TDRD7: variants seen among roughly 807,000 people sequenced by gnomAD.
TDRD7 encodes the protein tudor domain-containing protein 7.
A neutral mutation model predicts 109.8 loss-of-function variants in TDRD7; 47 were observed. The ratio of observed to expected loss-of-function variants is 0.43; its 90% confidence interval spans 0.34 to 0.55. The LOEUF (loss-of-function observed/expected upper bound fraction) is 0.55, where lower values mean the gene tolerates loss of function less well. TDRD7 is among the 20% of genes least tolerant of loss of function. The pLI, the probability that TDRD7 is intolerant of heterozygous loss-of-function variation, is 0.03. For missense variants in TDRD7, 1,164 were observed against 1,319.2 expected (o/e 0.88, Z 1.82); for synonymous variants, 424 against 457.3 (o/e 0.93, Z 0.93).
At chr9:97,435,820 A>C (rs1181098751) in intron 4 of TDRD7, among the ~76,000 whole-genome samples, 1 of 152,200 alleles carries the variant, frequency 6.6e-6, no homozygotes, top group Non-Finnish European at 1.5e-5. Flanking sequence ...ATGGAACAAT[A>C]GCAGAAACAT....
intron 1 of TDRD7, among the ~76,000 whole-genome samples, chr9:97,421,862 A>AT (rs1051548580): frequency 1.3e-5 from 2 of 151,818 alleles, no homozygotes; most frequent in Non-Finnish European, 2.9e-5. Context: ...TGCCCAGCCA[A>AT]TTTTTTCTTC....
intron 1 of TDRD7, among the ~76,000 whole-genome samples, chr9:97,423,653 A>G (rs1370708648): frequency 6.6e-6 from 1 of 152,162 alleles, no homozygotes; most frequent in African/African-American, 2.4e-5. Context: ...CAGAAACATA[A>G]TGCTATAAAT....
At chr9:97,422,376 A>G (rs1245066763) in intron 1 of TDRD7, among the ~76,000 whole-genome samples, 2 of 152,092 alleles carry the variant, frequency 1.3e-5, no homozygotes, top group African/African-American at 4.8e-5. Flanking sequence ...AGCCTGGGCA[A>G]CAGATCAAGA....
chr9:97,481,812 A>G (rs1461415803), intron 14 of TDRD7, among the ~76,000 whole-genome samples: 2 of 152,254 alleles, frequency 1.3e-5, no homozygotes, highest in Non-Finnish European at 2.9e-5. Flanking sequence ...CTTCTGTATT[A>G]TAAATTTCAA....
chr9:97,413,337 A>G (rs1214765513), intron 1 of TDRD7, among the ~76,000 whole-genome samples: 2 of 152,242 alleles, frequency 1.3e-5, no homozygotes, highest in Admixed American at 6.5e-5. Flanking sequence ...TTCTCATTTT[A>G]CAAATTGTGT....
At chr9:97,447,245 T>C (rs1828417751) in intron 6 of TDRD7, among the ~76,000 whole-genome samples, 1 of 152,196 alleles carries the variant, frequency 6.6e-6, no homozygotes, top group Non-Finnish European at 1.5e-5. Context: ...AGTTTGGGCT[T>C]TGAGGTAGAT....
In TDRD7 at chr9:97,487,855, T is replaced by A. The variant is rs1829238354; in HGVS notation, c.3076+523T>A. Among the ~76,000 whole-genome samples the A allele has an allele frequency of 2.0e-5, 3 of 152,214 alleles. No homozygotes were observed. In the South Asian group the frequency reaches 6.2e-4, roughly 31 times the overall value. On this transcript the variant is annotated intron_variant, in intron 16 of 16. Transcript: ENST00000355295. Reference sequence around the variant, plus strand: ...GTAGGAGGATCATACTTTATTATTATCGCATAAATTATAATACATCTACAT... The same window carrying A: ...GTAGGAGGATCATACTTTATTATTAACGCATAAATTATAATACATCTACAT...
Position 97,472,507 on chromosome 9 carries a change from A to G in TDRD7, c.1944+12A>G. 6.2e-7 allele frequency: 1 copy of G among 1,606,604 alleles called. No homozygotes were observed. Among genetic ancestry groups the G allele is most frequent in the Non-Finnish European group, 8.5e-7 (1 of 1,173,440 alleles). On this transcript the variant is annotated intron_variant, in intron 10 of 16. Coordinates refer to ENST00000355295, the MANE Select transcript of TDRD7 (RefSeq NM_014290.3). ...AGGTTCACCTGCAGGTACCACTGTG[A>G]TCACTGTTGTTGCTTGTTACACATT... is the stretch of plus-strand genomic sequence containing the variant.
At chr9:97,481,986 T>C (rs960765445) in intron 14 of TDRD7, among the ~76,000 whole-genome samples, 2 of 152,194 alleles carry the variant, frequency 1.3e-5, no homozygotes, top group African/African-American at 2.4e-5. Context: ...TTTCTAGCCC[T>C]ATTTGGTAAA....
chr9:97,431,826 G>A (rs914067913), intron 3 of TDRD7, among the ~76,000 whole-genome samples, 199 bp from the exon 4 acceptor site: 12 of 152,108 alleles, frequency 7.9e-5, no homozygotes, highest in South Asian at 4.2e-4. Flanking sequence ...CAGTCTGATG[G>A]ATGAAGAACC....
At chr9:97,453,768 G>A (rs1441996910) in intron 6 of TDRD7, among the ~76,000 whole-genome samples, 1 of 152,056 alleles carries the variant, frequency 6.6e-6, no homozygotes, top group Non-Finnish European at 1.5e-5. Flanking sequence ...TGACAAAATG[G>A]ACTTTAAACC....
At chr9:97,471,911 T>G (rs946736671) in intron 9 of TDRD7, among the ~76,000 whole-genome samples, 2 of 152,192 alleles carry the variant, frequency 1.3e-5, no homozygotes, top group Non-Finnish European at 2.9e-5. Context: ...ATTGTATATA[T>G]GTAGGAAGTG....
chr9:97,453,096 A>G (rs1828527571), intron 6 of TDRD7, among the ~76,000 whole-genome samples: 1 of 152,186 alleles, frequency 6.6e-6, no homozygotes, highest in Non-Finnish European at 1.5e-5. Context: ...GGCTATATGG[A>G]CAGTGGGGGA....
chr9:97,475,386 A>C lies in TDRD7; in HGVS notation c.2083A>C (p.Met695Leu), dbSNP rs1829000571. ...ATCATGCATTTCTGTTTTGCAGCAC[A>C]TGACCTCTGAGTGCTTTGTTTCATT... Reference protein sequence around the residue: ...KIEDYFHCKHMTSECFVSLPF... With the variant: ...KIEDYFHCKHLTSECFVSLPF... The change falls in exon 12 of 17, where the codon ATG becomes CTG. Residue 695 changes from methionine to leucine, a missense_variant. Met to Leu is a conservative substitution (Grantham distance 15). Coordinates refer to ENST00000355295, the MANE Select transcript of TDRD7 (RefSeq NM_014290.3). 1 of 1,612,648 alleles carries C rather than the reference A, an allele frequency of 6.2e-7. No homozygotes were observed.
chr9:97,431,824 T>C (rs1828108841), intron 3 of TDRD7, among the ~76,000 whole-genome samples: 1 of 152,312 alleles, frequency 6.6e-6, no homozygotes, highest in Admixed American at 6.5e-5. Flanking sequence ...GCCAGTCTGA[T>C]GGATGAAGAA....
intron 5 of TDRD7, 41 bp downstream of exon 5, chr9:97,439,359 G>C (rs769729861): frequency 2.6e-6 from 4 of 1,535,556 alleles, no homozygotes; most frequent in Non-Finnish European, 3.6e-6. Context: ...ATTGGCTTCC[G>C]GAGTCAAGAA....
At position 97,445,814 on chromosome 9, in the gene TDRD7, A is replaced by C. The variant is rs1172892348; in HGVS notation, c.855+3939A>C. 3.3e-5 allele frequency among the ~76,000 whole-genome samples: 5 copies of C among 152,140 alleles called. No individual in the cohort carries two copies. The East Asian group carries it at 9.6e-4, about 29-fold the overall frequency. On this transcript the variant is annotated intron_variant, in intron 6 of 16. Coordinates refer to ENST00000355295, the MANE Select transcript of TDRD7 (RefSeq NM_014290.3). Reference sequence around the variant, plus strand: ...ACCCAGGATCCATGGCCTCTGGCTGACTTTGATTTCTAGAAAAATTACAAA... The same window carrying C: ...ACCCAGGATCCATGGCCTCTGGCTGCCTTTGATTTCTAGAAAAATTACAAA...
chr9:97,460,206 A>AT lies in TDRD7; in HGVS notation c.887dup (p.Leu296PhefsTer7). The AT allele has an allele frequency of 6.2e-7, 1 of 1,614,198 alleles. No individual in the cohort carries two copies. Among genetic ancestry groups the AT allele is most frequent in the Non-Finnish European group, 8.5e-7 (1 of 1,180,032 alleles). ...GAGAAACCTTGCAGTGGTGGCCAAG[A>AT]TTTACTTCTTTATCCAGCTAAGAGA... On this transcript the variant is annotated frameshift_variant, in exon 7 of 17. Transcript: ENST00000355295. LOFTEE classifies it high-confidence loss of function.
chr9:97,448,115 T>C (rs1828432403), intron 6 of TDRD7, among the ~76,000 whole-genome samples: 1 of 152,212 alleles, frequency 6.6e-6, no homozygotes, highest in Admixed American at 6.6e-5. Flanking sequence ...ATCTTTTTAC[T>C]TTTACCTTTG....
Sources: gnomAD v4.1 joint callset for allele counts (sites outside exome capture counted in the v4.1 genomes callset) on GRCh38, gnomAD v4.1.1 for gene constraint, MANE v1.5 for transcripts, NCBI Gene and HGNC (gene_info 2026-07-23, HGNC 2026-07-21) for gene names.